MICAL1: variants seen among roughly 807,000 people sequenced by gnomAD.
MICAL1 encodes microtubule associated monooxygenase, calponin and LIM domain containing 1.
A neutral mutation model predicts 131.8 loss-of-function variants in MICAL1; 95 were observed. The ratio of observed to expected loss-of-function variants is 0.72; its 90% CI spans 0.61 to 0.86. The LOEUF (loss-of-function observed/expected upper bound fraction) is 0.86. Among genes scored for constraint, MICAL1 ranks in the 40% least tolerant of loss-of-function variants. The pLI is 0.00. For synonymous variants in MICAL1, 546 were observed against 554.2 expected (o/e 0.99, Z 0.21); for missense variants, 1,292 against 1,380.6 (o/e 0.94, Z 1.02).
rs770709089 is a variant in MICAL1 at position 109,452,634 on chromosome 6, G to A, written c.572-19C>T. On this transcript the variant is annotated intron_variant, in intron 4 of 24. Transcript: ENST00000358807. ...CCACTCCCTAGGGCAGGGGGTATGA[G>A]AGGCACAAAGGTGTAGAAGTCGTAA... 2 of 1,600,948 alleles carry A rather than the reference G, an allele frequency of 1.2e-6. No individual in the cohort carries two copies. The highest frequency in any genetic ancestry group is 8.5e-7 in the Non-Finnish European group (1 of 1,170,986).
chr6:109,465,744 A>G lies in MICAL1; in HGVS notation c.-67T>C, dbSNP rs1184887915. 4.3e-6 allele frequency: 7 copies of G among 1,611,790 alleles called. No homozygotes were observed. The African/African-American group carries it at 8.0e-5, about 18-fold the overall frequency. Reference sequence around the variant, plus strand: ...AGTTAGCCATCACAGCTCTCACAGAAGCATCTGCAAGTCAATGGTGTGGAG... The same window carrying G: ...AGTTAGCCATCACAGCTCTCACAGAGGCATCTGCAAGTCAATGGTGTGGAG... On this transcript the variant is annotated 5_prime_UTR_variant, in exon 1 of 25. Transcript: ENST00000630715.
At position 109,446,146 on chromosome 6, in the gene MICAL1, C is replaced by G. The variant is rs762693532; in HGVS notation, c.2571G>C (p.Gln857His). 31 of 1,550,708 alleles carry G rather than the reference C, an allele frequency of 2.0e-5. No individual in the cohort carries two copies. The highest frequency in any genetic ancestry group is 2.4e-5 in the Non-Finnish European group (28 of 1,153,216). ...SSFVGWGLPV[Q>H]SPQALVAMEK... ...GTGAGGATGGGTTACCTTGAGGGCT[C>G]TGGACTGGCAGGCCCCAGCCCACAA... The change falls in exon 19 of 25, where the codon CAG (glutamine) becomes CAC (histidine). Residue 857 changes from glutamine (Q) to histidine (H), a missense_variant. Coordinates refer to ENST00000358807, the MANE Select transcript of MICAL1 (RefSeq NM_022765.4).
chr6:109,452,584 G>A lies in MICAL1; in HGVS notation c.603C>T (p.Asn201=). Residue 201 remains asparagine (N), a synonymous_variant, in exon 5 of 25, where the codon AAC becomes AAT. Transcript: ENST00000358807. ...CATAGTTGGCCAGCTGGGCAGGGGG[G>A]TTGGGTTGGAGCTGGGCACGCCAGC... ...GSGWRAQLQP[N]PPAQLANYEF... is the part of the protein sequence containing the mutation. 4 of 1,613,354 alleles carry A rather than the reference G, an allele frequency of 2.5e-6. No homozygotes were observed. Among genetic ancestry groups the A allele is most frequent in the Non-Finnish European group, 2.5e-6 (3 of 1,179,862 alleles).
At chr6:109,457,447 G>C (rs1562295796), upstream of MICAL1, among the ~76,000 whole-genome samples, 1 of 152,150 alleles carries the variant, frequency 6.6e-6, no homozygotes, top group Non-Finnish European at 1.5e-5. Flanking sequence ...ATTATACGAA[G>C]CTATGTCTTG....
Position 109,455,569 on chromosome 6 carries a change from C to T in MICAL1, c.-44+150G>A, listed in dbSNP as rs1032471670. 6.4e-5 allele frequency: 29 copies of T among 452,350 alleles called. No homozygotes were observed. The highest frequency in any genetic ancestry group is 7.3e-5 in the Non-Finnish European group (25 of 342,042). 28.0% of individuals were successfully genotyped at this position (452,350 alleles called of 1,614,324 possible). Reference sequence around the variant, plus strand: ...CCGACACTGGACGGCAAAGTCCGGACGCGGCGTGAGCAGGGCTGGGCTGAG... The same window carrying T: ...CCGACACTGGACGGCAAAGTCCGGATGCGGCGTGAGCAGGGCTGGGCTGAG... On this transcript the variant is annotated intron_variant, in intron 1 of 24. Transcript: ENST00000358807. The surrounding 1 kb of genome is among the most constrained non-coding windows in gnomAD (Gnocchi z 4.7).
At chr6:109,447,491 G>T (rs1321251099) in intron 15 of MICAL1, 51 bp from the exon 16 acceptor site, 2 of 1,574,490 alleles carry the variant, frequency 1.3e-6, no homozygotes, top group Non-Finnish European at 1.7e-6. Flanking sequence ...GGGCCAGCTG[G>T]GAGGGGATGC....
rs1347655464 is a variant in MICAL1, at chr6:109,448,383, C to G, written c.1675G>C (p.Glu559Gln). ...RLQPGLLEPS[E>Q]LQGLGALEAT... ...TCCAGAGCTCCCAGCCCCTGCAGCT[C>G]TGAGGGTTCCCTGTGGGATGTCAGG... is the stretch of plus-strand genomic sequence containing the variant. Residue 559 changes from glutamate to glutamine, a missense_variant, in exon 13 of 25, where the codon GAG (glutamate) becomes CAG (glutamine). By Grantham distance (29) the Glu-to-Gln change is conservative (BLOSUM62 2). Transcript: ENST00000358807. 6.2e-7 allele frequency: 1 copy of G among 1,613,488 alleles called. No homozygotes were observed. Among genetic ancestry groups the G allele is most frequent in the Non-Finnish European group, 8.5e-7 (1 of 1,179,990 alleles).
Position 109,461,334 on chromosome 6 carries a change from C to A in MICAL1, c.14+4330G>T, listed in dbSNP as rs146789571. On this transcript the variant is annotated intron_variant, in intron 1 of 24. Transcript: ENST00000630715. ...ATAGTATTCCATGGTGTATATGTGC[C>A]ACATTTTCTTACCAATTAAGCTTTA... Among the ~76,000 whole-genome samples the A allele has an allele frequency of 9.0e-3, 1,369 of 152,152 alleles. 3 individuals carry two copies. The highest frequency in any genetic ancestry group is 0.012 in the Non-Finnish European group (811 of 68,010).
At chr6:109,449,299 CGCTGCTCCTGTCCTGAGGCTGCA>C in intron 11 of MICAL1, 78 bp downstream of exon 11, 1 of 1,287,604 alleles carries the variant, frequency 7.8e-7, no homozygotes, top group Non-Finnish European at 1.1e-6. Context: ...TGCTCCGGCA[CGCTGCTCCTGTCCTGAGGCTGCA>C]GCTGCTTTGC....
intron 3 of MICAL1, 135 bp downstream of exon 3, chr6:109,453,503 G>C: frequency 6.7e-7 from 1 of 1,491,556 alleles, no homozygotes; most frequent in Admixed American, 2.1e-5. Flanking sequence ...TATAGATGGG[G>C]GACCTGAATC....
chr6:109,454,250 G>T lies in MICAL1; in HGVS notation c.-43-11C>A. The T allele has an allele frequency of 6.5e-7, 1 of 1,541,026 alleles. No individual in the cohort carries two copies. Among genetic ancestry groups the T allele is most frequent in the Non-Finnish European group, 8.7e-7 (1 of 1,143,688 alleles). On this transcript the variant is annotated splice_polypyrimidine_tract_variant and intron_variant, in intron 1 of 24. Transcript: ENST00000358807. ...GGCAGAGATGAGTGGCTGGAGAGGT[G>T]GAAAAAGAAGGGGAAGAGGCTGGAG...
chr6:109,450,462 A>G lies in MICAL1; in HGVS notation c.1029T>C (p.His343=), dbSNP rs766877748. The G allele has an allele frequency of 6.2e-6, 10 of 1,613,370 alleles. No homozygotes were observed. The African/African-American group carries it at 1.1e-4, about 17-fold the overall frequency. ...FTRAAADFAT[H]GKLGKLEFAQ... Reference sequence around the variant, plus strand: ...CAAACTCTAGTTTCCCGAGCTTGCCATGGGTGGCAAAGTCAGCAGCTGCCC... The same window carrying G: ...CAAACTCTAGTTTCCCGAGCTTGCCGTGGGTGGCAAAGTCAGCAGCTGCCC... The change falls in exon 8 of 25, where the codon CAT becomes CAC. Residue 343 remains histidine (H), a synonymous_variant. Transcript: ENST00000358807.
rs776520971 is a variant in MICAL1, at chr6:109,445,025, C to T, written c.2882-30G>A. On this transcript the variant is annotated intron_variant, in intron 22 of 24. Coordinates refer to ENST00000358807, the MANE Select transcript of MICAL1 (RefSeq NM_022765.4). ...GAAGAAGGAAGATGGGTAGGGTGATCAGGAGGCTTCCAGCCAGCACCACAG... is the reference window on the plus strand; with the variant it reads ...GAAGAAGGAAGATGGGTAGGGTGATTAGGAGGCTTCCAGCCAGCACCACAG... The T allele has an allele frequency of 1.9e-6, 3 of 1,608,984 alleles. No individual in the cohort carries two copies. In the East Asian group the frequency reaches 6.7e-5, roughly 36 times the overall value.
In MICAL1 at chr6:109,444,811, G is replaced by C. The variant is rs777406535; in HGVS notation, c.2982-13C>G. Reference sequence around the variant, plus strand: ...CAATTCCTGCACCCTGTGGAGGTCAGGGATTGTAGAAGCAGAGCTGTCTAA... The same window carrying C: ...CAATTCCTGCACCCTGTGGAGGTCACGGATTGTAGAAGCAGAGCTGTCTAA... On this transcript the variant is annotated splice_polypyrimidine_tract_variant and intron_variant, in intron 23 of 24. Coordinates refer to ENST00000358807, the MANE Select transcript of MICAL1 (RefSeq NM_022765.4). 6.2e-7 allele frequency: 1 copy of C among 1,614,192 alleles called. No homozygotes were observed. The highest frequency in any genetic ancestry group is 2.2e-5 in the East Asian group (1 of 44,878).
At chr6:109,459,729 C>T (rs1024251656), upstream of MICAL1, among the ~76,000 whole-genome samples, 1 of 152,076 alleles carries the variant, frequency 6.6e-6, no homozygotes, top group African/African-American at 2.4e-5. Context: ...AAATACTTGC[C>T]CATATTTTTG....
In MICAL1 at chr6:109,446,443, G is replaced by T. The variant is rs200219875; in HGVS notation, c.2305-31C>A. On this transcript the variant is annotated intron_variant, in intron 18 of 24. Coordinates refer to ENST00000358807, the MANE Select transcript of MICAL1 (RefSeq NM_022765.4). ...AAAGCCACCATGTGGAGTGAGGTCG[G>T]GGGGTGAGGCCACCCCTTCGGAGCA... 279 of 1,610,818 alleles carry T rather than the reference G, an allele frequency of 1.7e-4. No homozygotes were observed. The African/African-American group carries it at 1.9e-3, about 11-fold the overall frequency.
Position 109,447,675 on chromosome 6 carries a change from A to T in MICAL1, c.1986+6T>A, listed in dbSNP as rs769415507. 6.2e-7 allele frequency: 1 copy of T among 1,613,944 alleles called. No individual in the cohort carries two copies. Among genetic ancestry groups the T allele is most frequent in the African/African-American group, 1.3e-5 (1 of 74,972 alleles). On this transcript the variant is annotated splice_donor_region_variant and intron_variant, in intron 15 of 24. Coordinates refer to ENST00000358807, the MANE Select transcript of MICAL1 (RefSeq NM_022765.4). ...AGGAGACCGACCCGCCCCTGCCTGCATTCACCTCCAAGCGCAGCTTCTTGC... is the reference window on the plus strand; with the variant it reads ...AGGAGACCGACCCGCCCCTGCCTGCTTTCACCTCCAAGCGCAGCTTCTTGC...
Position 109,446,706 on chromosome 6 carries a change from G to A in MICAL1, c.2294C>T (p.Pro765Leu). 3 of 1,613,726 alleles carry A rather than the reference G, an allele frequency of 1.9e-6. No homozygotes were observed. The highest frequency in any genetic ancestry group is 2.5e-6 in the Non-Finnish European group (3 of 1,179,816). Residue 765 changes from proline (P) to leucine (L), a missense_variant, in exon 18 of 25, where the codon CCT (proline) becomes CTT (leucine). Physicochemically the swap from Pro to Leu is moderately conservative, Grantham distance 98. Coordinates refer to ENST00000358807, the MANE Select transcript of MICAL1 (RefSeq NM_022765.4). ...DHKAEGSDRG[P>L]ESPELPTPSE... ...GCCTTCAGTCTTTACCGGACTCTCAGGGCCTCTATCGCTGCCTTCCGCTTT... is the reference window on the plus strand; with the variant it reads ...GCCTTCAGTCTTTACCGGACTCTCAAGGCCTCTATCGCTGCCTTCCGCTTT...
intron 4 of MICAL1, 96 bp from the exon 5 acceptor site, chr6:109,452,711 G>T: frequency 1.1e-6 from 1 of 870,794 alleles, no homozygotes; most frequent in Non-Finnish European, 1.8e-6. Context: ...ACGTGTAAAG[G>T]ACTCTCTGGT....
Sources: allele counts gnomAD v4.1 joint callset (sites outside exome capture counted in the v4.1 genomes callset), GRCh38; gene constraint gnomAD v4.1.1; non-coding constraint Gnocchi (gnomAD v3.1); transcripts MANE v1.5; gene names NCBI Gene and HGNC (gene_info 2026-07-23, HGNC 2026-07-21).